Variants in CPA6 observed in about 807,000 individuals in gnomAD.
The protein encoded by CPA6 is carboxypeptidase B.
CPA6 carries 58 observed loss-of-function variants against 63.3 expected under a neutral mutation model. That is an observed-to-expected ratio of 0.92 (90% CI 0.74 to 1.14). The LOEUF is 1.14. Ranked by LOEUF, CPA6 falls within the 50% of genes most tolerant of loss-of-function variation. The probability of loss-of-function intolerance (pLI) is 0.00; values close to 1 mark genes in which losing one functional copy is unlikely to be tolerated. For missense variants in CPA6, 565 were observed against 526.6 expected, an observed-to-expected ratio of 1.07 and a Z score of -0.71; for synonymous variants, 185 against 179.0, an observed-to-expected ratio of 1.03 and a Z score of -0.27.
chr8:67,648,755 A>G (rs550029864), intron 1 of CPA6, among the ~76,000 whole-genome samples: 3 of 152,350 alleles, frequency 2.0e-5, no homozygotes, highest in South Asian at 2.1e-4. Context: ...AAAGCTGTGG[A>G]AAAGTTCCAT....
chr8:67,607,215 TC>T (rs1814678716), intron 2 of CPA6, among the ~76,000 whole-genome samples: 1 of 113,038 alleles, frequency 8.8e-6, no homozygotes, highest in Non-Finnish European at 1.8e-5. Context: ...TTCTTCTTCT[TC>T]TTCTTCTTCT....
At chr8:67,668,839 T>G (rs943644467) in intron 1 of CPA6, among the ~76,000 whole-genome samples, 3 of 152,176 alleles carry the variant, frequency 2.0e-5, no homozygotes, top group African/African-American at 7.2e-5. Context: ...CAAATGTACA[T>G]GGAGTACCAT....
intron 8 of CPA6, among the ~76,000 whole-genome samples, chr8:67,444,759 G>A (rs1170660130): frequency 1.4e-5 from 2 of 145,612 alleles, no homozygotes; most frequent in Admixed American, 6.9e-5. Context: ...GCAACAGAGC[G>A]AGACTCTGTC....
intron 1 of CPA6, among the ~76,000 whole-genome samples, chr8:67,709,424 G>T (rs1000749171): frequency 7.9e-5 from 12 of 152,312 alleles, no homozygotes; most frequent in East Asian, 3.9e-4. Flanking sequence ...TCCCTTGGAT[G>T]AATTATTTCC....
intron 5 of CPA6, among the ~76,000 whole-genome samples, chr8:67,507,999 TTGTGTGTGTG>T (rs145996041): frequency 0.02 from 2,838 of 142,344 alleles, 88 homozygotes; most frequent in African/African-American, 0.066. Flanking sequence ...ATGGGGTGCT[TTGTGTGTGTG>T]TGTGTGTGTG....
At chr8:67,476,788 TC>T (rs1203402326) in intron 8 of CPA6, among the ~76,000 whole-genome samples, 1 of 152,196 alleles carries the variant, frequency 6.6e-6, no homozygotes, top group East Asian at 1.9e-4. Flanking sequence ...TTGAGCAAGT[TC>T]CCTCACTTCT....
intron 8 of CPA6, among the ~76,000 whole-genome samples, chr8:67,457,532 C>T (rs139968326): frequency 6.6e-6 from 1 of 152,100 alleles, no homozygotes; most frequent in Non-Finnish European, 1.5e-5. Context: ...CTTTCCAGTG[C>T]CTTCTTCTTT....
chr8:67,466,804 C>T (rs1810936543), intron 8 of CPA6, among the ~76,000 whole-genome samples: 2 of 152,088 alleles, frequency 1.3e-5, no homozygotes, highest in Non-Finnish European at 2.9e-5. Context: ...AACACTAGTC[C>T]TCGAATTCTG....
At chr8:67,544,607 C>G (rs189603657) in intron 2 of CPA6, among the ~76,000 whole-genome samples, 1 of 152,330 alleles carries the variant, frequency 6.6e-6, no homozygotes, top group East Asian at 1.9e-4. Context: ...CCTTCAGGGA[C>G]ATTTAGATGA....
chr8:67,714,835 G>T (rs1336045223), intron 1 of CPA6, among the ~76,000 whole-genome samples: 2 of 152,090 alleles, frequency 1.3e-5, no homozygotes, highest in Admixed American at 6.5e-5. Flanking sequence ...AACTTAATGT[G>T]CATCCAATAC....
intron 6 of CPA6, among the ~76,000 whole-genome samples, chr8:67,504,903 A>G (rs1811897469): frequency 6.6e-6 from 1 of 152,116 alleles, no homozygotes; most frequent in Non-Finnish European, 1.5e-5. Flanking sequence ...AGGGAGGAGG[A>G]TGGAGAGGAA....
intron 2 of CPA6, among the ~76,000 whole-genome samples, chr8:67,619,749 T>C (rs1030336645): frequency 1.3e-5 from 2 of 152,160 alleles, no homozygotes; most frequent in Admixed American, 6.5e-5. Context: ...GTGTAGGAAA[T>C]GCAGTTTTTT....
At chr8:67,492,894 GAGAT>G (rs2128962598) in intron 6 of CPA6, among the ~76,000 whole-genome samples, 2 of 152,330 alleles carry the variant, frequency 1.3e-5, no homozygotes, top group African/African-American at 4.8e-5. Flanking sequence ...AAGGGAGAAA[GAGAT>G]AGGCTGGAAG....
intron 2 of CPA6, among the ~76,000 whole-genome samples, chr8:67,615,600 G>T (rs1369549667): frequency 2.6e-5 from 4 of 152,184 alleles, no homozygotes; most frequent in African/African-American, 9.7e-5. Context: ...GTTCCTGAAG[G>T]TAGTGGCCTG....
intron 2 of CPA6, among the ~76,000 whole-genome samples, chr8:67,610,970 G>A (rs553160077): frequency 1.3e-5 from 2 of 152,070 alleles, no homozygotes; most frequent in East Asian, 3.9e-4. Flanking sequence ...ATTTAGCAGA[G>A]TATTTAGCAC....
chr8:67,479,704 T>A (rs965183738), intron 8 of CPA6, among the ~76,000 whole-genome samples: 4 of 152,186 alleles, frequency 2.6e-5, no homozygotes, highest in African/African-American at 9.7e-5. Flanking sequence ...CAACATTACC[T>A]CTTTTTATTG....
chr8:67,704,644 G>A (rs1478672753), intron 1 of CPA6, among the ~76,000 whole-genome samples: 1 of 152,172 alleles, frequency 6.6e-6, no homozygotes, highest in East Asian at 1.9e-4. Flanking sequence ...GGGGGCTTCT[G>A]TTCATTCCAG....
intron 10 of CPA6, among the ~76,000 whole-genome samples, chr8:67,427,024 T>C (rs367798865): frequency 6.6e-6 from 1 of 152,208 alleles, no homozygotes; most frequent in East Asian, 1.9e-4. Flanking sequence ...ATAAGCCAGA[T>C]TGATATGTTA....
At chr8:67,631,050 C>T (rs1815316129) in intron 1 of CPA6, among the ~76,000 whole-genome samples, 1 of 152,222 alleles carries the variant, frequency 6.6e-6, no homozygotes, top group African/African-American at 2.4e-5. Flanking sequence ...ATGCGCGGCC[C>T]CCTACTCCAC....
Sources: gnomAD v4.1 joint callset for allele counts (sites outside exome capture counted in the v4.1 genomes callset) on GRCh38, gnomAD v4.1.1 for gene constraint, MANE v1.5 for transcripts, NCBI Gene and HGNC (gene_info 2026-07-23, HGNC 2026-07-21) for gene names.